The following MAFK variants were observed in gnomAD, a reference collection of about 807,000 sequenced individuals.
The protein encoded by MAFK is transcription factor MafK.
Under a neutral mutation model 9.2 loss-of-function variants are expected in MAFK, and 1 was observed. The ratio of observed to expected loss-of-function variants is 0.11; its 90% CI spans 0.04 to 0.52. MAFK has a LOEUF of 0.52. MAFK is among the 20% of genes least tolerant of loss of function. The probability of loss-of-function intolerance (pLI) is 0.94; values close to 1 mark genes in which losing one functional copy is unlikely to be tolerated. For missense variants in MAFK, 207 were observed against 236.0 expected (o/e 0.88, Z 0.81); for synonymous variants, 110 against 107.4 (o/e 1.02, Z -0.15).
chr7:1,539,310 GCCGTC>G, intron 2 of MAFK, 82 bp downstream of exon 2: 1 of 1,174,758 alleles, frequency 8.5e-7, no homozygotes. Flanking sequence ...CTATCCCAGG[GCCGTC>G]CTGAGCCTGT....
chr7:1,536,161 C>T (rs574466655), intron 1 of MAFK, among the ~76,000 whole-genome samples: 220 of 152,362 alleles, frequency 1.4e-3, no homozygotes, highest in African/African-American at 4.9e-3. Flanking sequence ...TGCACCCTTA[C>T]TTACGTCGGC....
At chr7:1,533,711 G>T (rs1397762419) in intron 1 of MAFK, among the ~76,000 whole-genome samples, 1 of 152,060 alleles carries the variant, frequency 6.6e-6, no homozygotes, top group African/African-American at 2.4e-5. Flanking sequence ...GATGCTTGAG[G>T]GCTGGGATCA....
chr7:1,533,727 G>T (rs865842122), intron 1 of MAFK, among the ~76,000 whole-genome samples: 4 of 152,010 alleles, frequency 2.6e-5, no homozygotes, highest in Non-Finnish European at 4.4e-5. Context: ...GATCAAGCCT[G>T]GTTGGCGCGT....
chr7:1,536,577 C>T (rs1363369427), intron 1 of MAFK, among the ~76,000 whole-genome samples: 1 of 152,196 alleles, frequency 6.6e-6, no homozygotes, highest in African/African-American at 2.4e-5. Context: ...GTTCACAAAA[C>T]CCCATTTAGG....
Position 1,531,608 on chromosome 7 carries a change from G to C in MAFK, c.-45+710G>C, listed in dbSNP as rs367688998. On this transcript the variant is annotated intron_variant, in intron 1 of 2. Transcript: ENST00000343242. ...TGCTCACGTGTGGGGCAGGGGCTCCGGCCTCTTCCCGCTCCCACTGCGTGA... is the reference window on the plus strand; with the variant it reads ...TGCTCACGTGTGGGGCAGGGGCTCCCGCCTCTTCCCGCTCCCACTGCGTGA... 1.2e-3 allele frequency among the ~76,000 whole-genome samples: 176 copies of C among 152,264 alleles called. 1 individual carries two copies. The South Asian group carries it at 0.012, about 10-fold the overall frequency.
chr7:1,535,314 G>A (rs1562544211), intron 1 of MAFK, among the ~76,000 whole-genome samples: 1 of 152,166 alleles, frequency 6.6e-6, no homozygotes, highest in Non-Finnish European at 1.5e-5. Context: ...CCCCCACTGA[G>A]CAGGGTCAGG....
intron 1 of MAFK, among the ~76,000 whole-genome samples, chr7:1,535,544 G>A (rs1340783699): frequency 6.6e-6 from 1 of 152,170 alleles, no homozygotes; most frequent in Non-Finnish European, 1.5e-5. Flanking sequence ...AGTCCCAGCT[G>A]CTCGGGAGGC....
rs757252936 is a variant in MAFK at position 1,540,685 on chromosome 7, G to T, written c.*310G>T. On this transcript the variant is annotated 3_prime_UTR_variant, in exon 3 of 3. Coordinates refer to ENST00000343242, the MANE Select transcript of MAFK (RefSeq NM_002360.4). ...CGGGACATATAATGGAAAGGCCCTCGGGAAGTTCCGCGTCCTCTGTGGGGG... is the reference window on the plus strand; with the variant it reads ...CGGGACATATAATGGAAAGGCCCTCTGGAAGTTCCGCGTCCTCTGTGGGGG... 6.3e-5 allele frequency: 23 copies of T among 364,464 alleles called. No individual in the cohort carries two copies. The highest frequency in any genetic ancestry group is 1.1e-4 in the Non-Finnish European group (21 of 199,972). The allele number at this position is 364,464 out of a possible 1,614,324, so 22.6% of individuals were successfully genotyped here.
At position 1,542,261 on chromosome 7, in the gene MAFK, TTATC is replaced by T. The variant is rs1321473640; in HGVS notation, c.*1889_*1892del. 57 of 152,748 alleles carry T rather than the reference TTATC, an allele frequency of 3.7e-4. No homozygotes were observed. Among genetic ancestry groups the T allele is most frequent in the East Asian group, 1.9e-4 (1 of 5,186 alleles). 9.5% of individuals were successfully genotyped at this position (152,748 alleles called of 1,614,324 possible). On this transcript the variant is annotated 3_prime_UTR_variant, in exon 3 of 3. Transcript: ENST00000343242. ...AGAGATATAAAATTATATTCACAGT[TTATC>T]TACAGATTTTTCGTAACAATCTTTC...
chr7:1,533,277 G>A (rs1209099312), intron 1 of MAFK, among the ~76,000 whole-genome samples: 1 of 152,198 alleles, frequency 6.6e-6, no homozygotes, highest in Non-Finnish European at 1.5e-5. Flanking sequence ...CCCTCTCCCT[G>A]CCCTCCCATG....
chr7:1,539,243 A>C lies in MAFK; in HGVS notation c.36+15A>C. On this transcript the variant is annotated intron_variant, in intron 2 of 2. Transcript: ENST00000343242. The stretch of plus-strand genomic sequence containing the variant: ...AGGCATTAAAGGTAAGGCTGGTTCC[A>C]AGCAGGCCCCGTCTCAAGCACAGGC... 1 of 1,606,832 alleles carries C rather than the reference A, an allele frequency of 6.2e-7. No individual in the cohort carries two copies. Among genetic ancestry groups the C allele is most frequent in the Non-Finnish European group, 8.5e-7 (1 of 1,176,034 alleles).
At position 1,534,091 on chromosome 7, in the gene MAFK, G is replaced by C; in HGVS notation, c.-45+3193G>C. ...TCCTCCAAGCCGGGCCGACAGTCAT[G>C]GCTTGCTGGAGGGCAGCCAGCCAGG... On this transcript the variant is annotated intron_variant, in intron 1 of 2. Transcript: ENST00000343242. The surrounding 1 kb of genome is among the most constrained non-coding windows in gnomAD (Gnocchi z 4.3). The C allele has an allele frequency of 2.6e-6, 1 of 384,598 alleles. No individual in the cohort carries two copies. The highest frequency in any genetic ancestry group is 2.1e-5 in the African/African-American group (1 of 48,202). 23.8% of individuals were successfully genotyped at this position (384,598 alleles called of 1,614,324 possible). A position where few individuals can be genotyped will look rare whatever the true frequency, so the allele number is the denominator to read the frequency against.
intron 1 of MAFK, among the ~76,000 whole-genome samples, chr7:1,531,936 A>G (rs1783917171): frequency 6.6e-6 from 1 of 152,176 alleles, no homozygotes; most frequent in Non-Finnish European, 1.5e-5. Flanking sequence ...TAGCTCTTGT[A>G]GCTGAGGCAG....
At position 1,532,094 on chromosome 7, in the gene MAFK, G is replaced by A. The variant is rs959731256; in HGVS notation, c.-45+1196G>A. 6.6e-6 allele frequency among the ~76,000 whole-genome samples: 1 copy of A among 152,182 alleles called. No individual in the cohort carries two copies. The highest frequency in any genetic ancestry group is 2.4e-5 in the African/African-American group (1 of 41,428). Reference sequence around the variant, plus strand: ...GGTCTAGGGGATATCTGTGTGGTTCGGCTCTGGCAGCGCCCTTCCCACCCC... The same window carrying A: ...GGTCTAGGGGATATCTGTGTGGTTCAGCTCTGGCAGCGCCCTTCCCACCCC... On this transcript the variant is annotated intron_variant, in intron 1 of 2. Coordinates refer to ENST00000343242, the MANE Select transcript of MAFK (RefSeq NM_002360.4). This position sits in a 1 kb window ranked among gnomAD's most constrained non-coding sequence, Gnocchi z 4.5.
intron 1 of MAFK, among the ~76,000 whole-genome samples, 197 bp downstream of exon 1, chr7:1,531,095 G>T (rs918259342): frequency 4.0e-5 from 6 of 148,158 alleles, no homozygotes; most frequent in Non-Finnish European, 7.5e-5. Flanking sequence ...GCCCCGCCCC[G>T]CAGGCCCGGG....
At position 1,534,781 on chromosome 7, in the gene MAFK, C is replaced by T; in HGVS notation, c.-45+3883C>T. On this transcript the variant is annotated intron_variant, in intron 1 of 2. Transcript: ENST00000343242. This position sits in a 1 kb window ranked among gnomAD's most constrained non-coding sequence, Gnocchi z 4.3. ...GAGCGAGCGGCAGCCCCGATGCGTC[C>T]TCTCATCTGGGAAGAATCAGAGCCC... The T allele has an allele frequency of 2.6e-6, 1 of 380,214 alleles. No homozygotes were observed. The highest frequency in any genetic ancestry group is 1.9e-5 in the South Asian group (1 of 53,712). The allele number at this position is 380,214 out of a possible 1,614,324, so 23.6% of individuals were successfully genotyped here. A position where few individuals can be genotyped will look rare whatever the true frequency, so the allele number is the denominator to read the frequency against.
Position 1,539,225 on chromosome 7 carries a change from A to C in MAFK, c.33A>C (p.Leu11Phe), listed in dbSNP as rs1402700426. 6.2e-7 allele frequency: 1 copy of C among 1,611,158 alleles called. No homozygotes were observed. The change falls in exon 2 of 3, where the codon TTA (leucine) becomes TTC (phenylalanine). Residue 11 changes from leucine to phenylalanine, a missense_variant. Leu to Phe is a conservative substitution (Grantham distance 22, BLOSUM62 0). Coordinates refer to ENST00000343242, the MANE Select transcript of MAFK (RefSeq NM_002360.4). MTTNPKPNKA[L>F]KVKKEAGENA... ...CTAATCCCAAACCGAATAAGGCATTAAAGGTAAGGCTGGTTCCAAGCAGGC... is the reference window on the plus strand; with the variant it reads ...CTAATCCCAAACCGAATAAGGCATTCAAGGTAAGGCTGGTTCCAAGCAGGC...
In MAFK at chr7:1,534,709, T is replaced by C. The variant is rs936041581; in HGVS notation, c.-45+3811T>C. 6 of 451,816 alleles carry C rather than the reference T, an allele frequency of 1.3e-5. No homozygotes were observed. The highest frequency in any genetic ancestry group is 2.7e-5 in the Non-Finnish European group (6 of 223,678). The allele number at this position is 451,816 out of a possible 1,614,324, so 28.0% of individuals were successfully genotyped here. The stretch of plus-strand genomic sequence containing the variant: ...GGAGTCTGTGTCATCATTCACCCCT[T>C]GGGCAAGAACAAGTGACCCATCCAG... On this transcript the variant is annotated intron_variant, in intron 1 of 2. Transcript: ENST00000343242. The surrounding 1 kb of genome is among the most constrained non-coding windows in gnomAD (Gnocchi z 4.3).
rs918463467 is a variant in MAFK, at chr7:1,534,613, C to T, written c.-45+3715C>T. ...CCCGCATCCCACATCCTCGGAGACCCGCGGAGAATAGAAGTGGAAGGGCCA... is the reference window on the plus strand; with the variant it reads ...CCCGCATCCCACATCCTCGGAGACCTGCGGAGAATAGAAGTGGAAGGGCCA... On this transcript the variant is annotated intron_variant, in intron 1 of 2. Coordinates refer to ENST00000343242, the MANE Select transcript of MAFK (RefSeq NM_002360.4). The surrounding 1 kb of genome is among the most constrained non-coding windows in gnomAD (Gnocchi z 4.3). The T allele has an allele frequency of 1.3e-5, 6 of 456,068 alleles. No individual in the cohort carries two copies. The highest frequency in any genetic ancestry group is 2.2e-5 in the Non-Finnish European group (5 of 226,834). The allele number at this position is 456,068 out of a possible 1,614,324, so 28.3% of individuals were successfully genotyped here. A position where few individuals can be genotyped will look rare whatever the true frequency, so the allele number is the denominator to read the frequency against.
Sources: gnomAD v4.1 joint callset for allele counts (sites outside exome capture counted in the v4.1 genomes callset) on GRCh38, gnomAD v4.1.1 for gene constraint, Gnocchi (gnomAD v3.1) non-coding constraint, MANE v1.5 for transcripts, NCBI Gene and HGNC (gene_info 2026-07-23, HGNC 2026-07-21) for gene names.